Variants in MAMLD1 observed in about 807,000 individuals in gnomAD.
The protein encoded by MAMLD1 is mastermind like domain containing 1, also known as mastermind-like domain-containing protein 1.
Under a neutral mutation model 45.0 loss-of-function variants are expected in MAMLD1, and 14 were observed. That is an observed-to-expected ratio of 0.31 (90% CI 0.21 to 0.49). The LOEUF is 0.49. MAMLD1 is among the 20% of genes least tolerant of loss of function. The pLI is 0.99. For missense variants in MAMLD1, 543 were observed against 603.6 expected (o/e 0.90, Z 1.05); for synonymous variants, 254 against 247.8 (o/e 1.02, Z -0.24).
chrX:150,484,720 A>G (rs1305273274), intron 5 of MAMLD1, among the ~76,000 whole-genome samples: 5 of 112,456 alleles, frequency 4.4e-5, no homozygotes, highest in Non-Finnish European at 9.4e-5. Flanking sequence ...GGTCTCAGGA[A>G]CTTAAAAGAC....
chrX:150,495,670 T>C (rs2148346371), intron 5 of MAMLD1, among the ~76,000 whole-genome samples: 1 of 112,479 alleles, frequency 8.9e-6, no homozygotes, highest in African/African-American at 3.2e-5. Context: ...GGCAGATGCC[T>C]GGGGACACAG....
chrX:150,397,457 T>A (rs2033463229), intron 1 of MAMLD1, among the ~76,000 whole-genome samples: 1 of 111,700 alleles, frequency 9.0e-6, no homozygotes, highest in African/African-American at 3.3e-5. Context: ...GTCACGTTTA[T>A]TTCTAAGGAT....
upstream of MAMLD1, chrX:150,361,772 G>A (rs1227675136): frequency 1.8e-5 from 2 of 113,025 alleles, no homozygotes; most frequent in African/African-American, 6.4e-5. Flanking sequence ...GGGATAGGTG[G>A]GAGGGGAGTC....
intron 1 of MAMLD1, among the ~76,000 whole-genome samples, chrX:150,401,414 TAA>T (rs1398528702): frequency 3.9e-5 from 4 of 101,578 alleles, no homozygotes; most frequent in Non-Finnish European, 8.0e-5. Flanking sequence ...CTCAAGGAAA[TAA>T]AAGAGGATAC....
At chrX:150,390,846 G>C (rs1324569508) in intron 1 of MAMLD1, among the ~76,000 whole-genome samples, 1 of 112,167 alleles carries the variant, frequency 8.9e-6, no homozygotes, top group African/African-American at 3.2e-5. Context: ...CATTAAGGGT[G>C]GGATTCTTAG....
At chrX:150,504,300 A>C in intron 6 of MAMLD1, 7 of 750,434 alleles carry the variant, frequency 9.3e-6, no homozygotes, top group Non-Finnish European at 1.1e-5. Context: ...TGTCTGCACT[A>C]TCTGCAGAGA....
At chrX:150,491,971 GAGGTT>G (rs1290078264) in intron 5 of MAMLD1, among the ~76,000 whole-genome samples, 1 of 112,546 alleles carries the variant, frequency 8.9e-6, no homozygotes, top group Non-Finnish European at 1.9e-5. Context: ...TGAGATTAAG[GAGGTT>G]GCTTTCAAAA....
intron 1 of MAMLD1, among the ~76,000 whole-genome samples, chrX:150,442,271 TTTTCA>T (rs2035342882): frequency 9.0e-6 from 1 of 111,592 alleles, no homozygotes; most frequent in Non-Finnish European, 1.9e-5. Context: ...GTTTAGACCA[TTTTCA>T]TTTATTGTAT....
intron 2 of MAMLD1, among the ~76,000 whole-genome samples, chrX:150,450,787 C>T (rs1187005182): frequency 8.9e-6 from 1 of 112,161 alleles, no homozygotes; most frequent in African/African-American, 3.2e-5. Context: ...GTCTCATCAG[C>T]AGCCCCACTA....
chrX:150,456,867 G>A (rs1374171936), intron 2 of MAMLD1, among the ~76,000 whole-genome samples: 1 of 112,449 alleles, frequency 8.9e-6, no homozygotes. Flanking sequence ...AAGAGTGGGT[G>A]CAGCAGAGTA....
chrX:150,479,593 A>G, intron 5 of MAMLD1, among the ~76,000 whole-genome samples: 1 of 112,274 alleles, frequency 8.9e-6, no homozygotes, highest in Middle Eastern at 4.6e-3. Context: ...AAGACAACCT[A>G]CTTATTTGTC....
chrX:150,371,092 A>T (rs5925532), intron 1 of MAMLD1, among the ~76,000 whole-genome samples: 20,281 of 109,992 alleles, frequency 0.18, 1,450 homozygotes, highest in African/African-American at 0.24. Context: ...CCACCCACCA[A>T]GGCAACTCAG....
intron 1 of MAMLD1, among the ~76,000 whole-genome samples, chrX:150,431,250 A>AATTC (rs2034932853): frequency 9.0e-6 from 1 of 111,621 alleles, no homozygotes; most frequent in East Asian, 2.8e-4. Flanking sequence ...AGTATACAGG[A>AATTC]ATGCAATTAA....
intron 1 of MAMLD1, among the ~76,000 whole-genome samples, chrX:150,440,974 TATAAA>T: frequency 9.5e-6 from 1 of 104,869 alleles, no homozygotes; most frequent in South Asian, 3.7e-4. Flanking sequence ...AATTATTAAA[TATAAA>T]ATAATATAAT....
At chrX:150,369,763 G>A (rs2031811553) in intron 1 of MAMLD1, among the ~76,000 whole-genome samples, 1 of 111,295 alleles carries the variant, frequency 9.0e-6, no homozygotes, top group African/African-American at 3.3e-5. Flanking sequence ...AGACAAAAAG[G>A]CCTTCCATCC....
chrX:150,429,552 C>A (rs782292330), intron 1 of MAMLD1, among the ~76,000 whole-genome samples: 1 of 110,940 alleles, frequency 9.0e-6, no homozygotes, highest in Admixed American at 9.6e-5. Context: ...AACAATAGTG[C>A]AATATCAAAA....
In MAMLD1 at chrX:150,512,125, A is replaced by G; in HGVS notation, c.*166A>G. 1 of 1,153,104 alleles carries G rather than the reference A, an allele frequency of 8.7e-7. No individual in the cohort carries two copies. The highest frequency in any genetic ancestry group is 1.1e-6 in the Non-Finnish European group (1 of 871,518). The stretch of plus-strand genomic sequence containing the variant: ...ACAATCTGAGTCCAGGAATGATCCC[A>G]CTCACCAGGCACCAGAGCTGCGAGG... On this transcript the variant is annotated 3_prime_UTR_variant, in exon 8 of 8. Transcript: ENST00000370401.
chrX:150,403,985 A>G (rs1450512097), intron 1 of MAMLD1, among the ~76,000 whole-genome samples: 1 of 94,209 alleles, frequency 1.1e-5, no homozygotes, highest in African/African-American at 3.8e-5. Flanking sequence ...AGAAAGAAAG[A>G]AAGAAAGAAA....
chrX:150,391,616 T>TA (rs1310673237), intron 1 of MAMLD1, among the ~76,000 whole-genome samples: 20 of 111,726 alleles, frequency 1.8e-4, no homozygotes, highest in African/African-American at 5.5e-4. Flanking sequence ...GTTTGAAGTG[T>TA]ATTTGTGATT....
Sources: allele counts gnomAD v4.1 joint callset (sites outside exome capture counted in the v4.1 genomes callset), GRCh38; gene constraint gnomAD v4.1.1; transcripts MANE v1.5; gene names NCBI Gene and HGNC (gene_info 2026-07-23, HGNC 2026-07-21).